The following PEX5L variants were observed in gnomAD, a reference collection of about 807,000 sequenced individuals.
PEX5L encodes PEX5-related protein.
In PEX5L, 30 loss-of-function variants were observed where a neutral mutation model predicts 84.0. That is an observed-to-expected ratio of 0.36 (90% CI 0.27 to 0.48). The LOEUF (loss-of-function observed/expected upper bound fraction) is 0.48. PEX5L is among the 20% of genes least tolerant of loss of function. The probability of loss-of-function intolerance (pLI) is 0.99; values close to 1 mark genes in which losing one functional copy is unlikely to be tolerated. For missense variants in PEX5L, 533 were observed against 754.6 expected (o/e 0.71, Z 3.44); for synonymous variants, 270 against 283.1 (o/e 0.95, Z 0.46).
intron 2 of PEX5L, among the ~76,000 whole-genome samples, chr3:179,922,058 T>C (rs186784544): frequency 2.7e-4 from 40 of 150,486 alleles, no homozygotes; most frequent in Admixed American, 1.5e-3. Flanking sequence ...ACACATAATG[T>C]ATATTCTGTA....
At chr3:179,870,135 G>T (rs189771434) in intron 7 of PEX5L, among the ~76,000 whole-genome samples, 102 of 152,290 alleles carry the variant, frequency 6.7e-4, no homozygotes, top group African/African-American at 2.3e-3. Flanking sequence ...ATAAGGCTGC[G>T]CTTTGTCCCA....
rs777577638 is a variant in PEX5L, at chr3:179,875,481, G to A, written c.506-4C>T. On this transcript the variant is annotated splice_polypyrimidine_tract_variant and splice_region_variant and intron_variant, in intron 5 of 14. Coordinates refer to ENST00000467460, the MANE Select transcript of PEX5L (RefSeq NM_016559.3). ...TTTTCCAGTTGTGTTTGAATGTCTA[G>A]TAAGTACAGAGGAAGCAGGTGAGGC... The A allele has an allele frequency of 6.8e-7, 1 of 1,467,730 alleles. No homozygotes were observed. Among genetic ancestry groups the A allele is most frequent in the Non-Finnish European group, 9.2e-7 (1 of 1,088,464 alleles). 90.9% of individuals were successfully genotyped at this position (1,467,730 alleles called of 1,614,324 possible).
chr3:180,017,244 C>A (rs112752209), intron 1 of PEX5L, among the ~76,000 whole-genome samples: 1 of 152,102 alleles, frequency 6.6e-6, no homozygotes, highest in Admixed American at 6.6e-5. Context: ...CATCCCCAGA[C>A]GGAAATATCT....
intron 2 of PEX5L, among the ~76,000 whole-genome samples, chr3:179,912,335 C>T (rs1448050161): frequency 1.3e-5 from 2 of 152,004 alleles, no homozygotes; most frequent in South Asian, 4.2e-4. Context: ...AGTGATTTGG[C>T]CTGAACTCAG....
At chr3:179,989,860 A>G (rs1351231576) in intron 1 of PEX5L, among the ~76,000 whole-genome samples, 2 of 152,244 alleles carry the variant, frequency 1.3e-5, no homozygotes, top group East Asian at 3.8e-4. Flanking sequence ...GTGTATCAAT[A>G]TAGAGGTGCC....
intron 2 of PEX5L, among the ~76,000 whole-genome samples, chr3:179,899,377 A>G (rs1162722821): frequency 6.6e-6 from 1 of 152,190 alleles, no homozygotes; most frequent in Non-Finnish European, 1.5e-5. Context: ...AAATCTACTT[A>G]AAATACAAAT....
chr3:179,974,069 T>G (rs1031116769), intron 1 of PEX5L: 19 of 985,488 alleles, frequency 1.9e-5, no homozygotes, highest in Non-Finnish European at 2.0e-5. Context: ...CTTCCCACTT[T>G]GCTTAGCTCA....
At chr3:179,951,517 C>A (rs955898527) in intron 2 of PEX5L, among the ~76,000 whole-genome samples, 8 of 152,120 alleles carry the variant, frequency 5.3e-5, no homozygotes, top group African/African-American at 1.7e-4. Context: ...TCTAGCCCCA[C>A]CTTTCTTCCT....
intron 14 of PEX5L, chr3:179,804,420 A>G (rs921490250): frequency 1.3e-5 from 2 of 152,210 alleles, no homozygotes; most frequent in African/African-American, 4.8e-5. Context: ...ATTACTATCA[A>G]GCAGGATGAA....
rs753747822 is a variant in PEX5L, at chr3:179,815,849, G to A, written c.1083+12C>T. 2 of 1,613,686 alleles carry A rather than the reference G, an allele frequency of 1.2e-6. No individual in the cohort carries two copies. The highest frequency in any genetic ancestry group is 1.7e-6 in the Non-Finnish European group (2 of 1,179,842). ...CCTTTCTGAGTCTGGCAGAATGAAG[G>A]GAGAATGACACCTCTGCATCTCCAG... On this transcript the variant is annotated intron_variant, in intron 10 of 14. Transcript: ENST00000467460.
chr3:179,973,686 C>T (rs1785331071), intron 1 of PEX5L: 2 of 985,264 alleles, frequency 2.0e-6, no homozygotes. Context: ...TCATTCGAAA[C>T]TGCAACTTCT....
intron 1 of PEX5L, among the ~76,000 whole-genome samples, chr3:180,013,401 C>T (rs199909791): frequency 1.3e-5 from 2 of 152,278 alleles, no homozygotes; most frequent in East Asian, 3.9e-4. Context: ...GTTTACCATG[C>T]TTAAAATTCT....
intron 2 of PEX5L, among the ~76,000 whole-genome samples, chr3:179,933,792 C>T (rs1773795627): frequency 1.3e-5 from 2 of 152,216 alleles, no homozygotes; most frequent in South Asian, 4.1e-4. Context: ...AAGAGCCTCA[C>T]CCTCAGATAT....
intron 1 of PEX5L, among the ~76,000 whole-genome samples, chr3:179,983,480 A>T (rs998148118): frequency 2.6e-5 from 4 of 152,046 alleles, no homozygotes; most frequent in African/African-American, 9.6e-5. Context: ...AATAGTACTA[A>T]GAAATTGTTT....
intron 2 of PEX5L, among the ~76,000 whole-genome samples, chr3:179,908,637 A>C: frequency 8.3e-6 from 1 of 119,782 alleles, no homozygotes; most frequent in Non-Finnish European, 1.7e-5. Context: ...CTCCATGACA[A>C]GCCCCAGTGT....
chr3:179,847,448 T>A (rs1739968853), intron 8 of PEX5L, among the ~76,000 whole-genome samples: 1 of 152,136 alleles, frequency 6.6e-6, no homozygotes, highest in African/African-American at 2.4e-5. Context: ...ATTATTCTCT[T>A]AATCAATAGG....
At chr3:179,907,994 C>T (rs1222977893) in intron 2 of PEX5L, among the ~76,000 whole-genome samples, 2 of 152,198 alleles carry the variant, frequency 1.3e-5, no homozygotes, top group Non-Finnish European at 2.9e-5. Flanking sequence ...TTACAAGCTA[C>T]TAGCCAAGAA....
rs567397622 is a variant in PEX5L at position 179,798,327 on chromosome 3, C to T, written c.*3501G>A. 43 of 152,218 alleles carry T rather than the reference C, an allele frequency of 2.8e-4. No homozygotes were observed. The highest frequency in any genetic ancestry group is 1.0e-3 in the African/African-American group (42 of 41,510). The allele number at this position is 152,218 out of a possible 1,614,324, so 9.4% of individuals were successfully genotyped here. ...AAAATTTCCTGGTGGACGAGATCTA[C>T]CCATTTTTCAGGAGTCATGGGGAGT... is the stretch of plus-strand genomic sequence containing the variant. On this transcript the variant is annotated 3_prime_UTR_variant, in exon 15 of 15. Coordinates refer to ENST00000467460, the MANE Select transcript of PEX5L (RefSeq NM_016559.3).
chr3:179,824,706 C>CAAAAAAAA (rs11296415), intron 8 of PEX5L, among the ~76,000 whole-genome samples: 3 of 70,516 alleles, frequency 4.3e-5, no homozygotes, highest in Non-Finnish European at 7.9e-5. Context: ...AACTCCATCT[C>CAAAAAAAA]AAAAAAAAAA....
Sources: gnomAD v4.1 joint callset for allele counts (sites outside exome capture counted in the v4.1 genomes callset) on GRCh38, gnomAD v4.1.1 for gene constraint, MANE v1.5 for transcripts, NCBI Gene and HGNC (gene_info 2026-07-23, HGNC 2026-07-21) for gene names.